Variants in WDR72 observed in about 807,000 individuals in gnomAD.
WDR72 encodes WD repeat-containing protein 72.
WDR72 carries 120 observed loss-of-function variants against 124.2 expected under a neutral mutation model. The ratio of observed to expected loss-of-function variants is 0.97; its 90% CI spans 0.83 to 1.12. The LOEUF is 1.12. Among genes scored for constraint, WDR72 ranks in the 50% most tolerant of loss-of-function variants. WDR72 has a pLI of 0.00. For missense variants in WDR72, 1,387 were observed against 1,278.8 expected (o/e 1.08, Z -1.29); for synonymous variants, 452 against 441.7 (o/e 1.02, Z -0.29).
intron 14 of WDR72, among the ~76,000 whole-genome samples, chr15:53,645,421 T>C (rs1204295293): frequency 6.6e-6 from 1 of 152,194 alleles, no homozygotes; most frequent in Non-Finnish European, 1.5e-5. Context: ...CTCATTTCTT[T>C]TTTAATTATA....
chr15:53,697,970 G>A (rs12902642), intron 13 of WDR72, among the ~76,000 whole-genome samples: 5,924 of 152,134 alleles, frequency 0.039, 143 homozygotes, highest in Non-Finnish European at 0.05. Flanking sequence ...CACCATGCCC[G>A]GCTAATTTTT....
In WDR72 at chr15:53,711,537, G is replaced by A. The variant is rs1298795461; in HGVS notation, c.712-56C>T. On this transcript the variant is annotated intron_variant, in intron 7 of 19. Transcript: ENST00000360509. ...AGGCTTAAATCTAGTCTGCCAATAAGATGAATATAAATTATGATAGTAATA... is the reference window on the plus strand; with the variant it reads ...AGGCTTAAATCTAGTCTGCCAATAAAATGAATATAAATTATGATAGTAATA... The A allele has an allele frequency of 2.6e-6, 4 of 1,561,278 alleles. No homozygotes were observed. In the East Asian group the frequency reaches 9.0e-5, roughly 35 times the overall value.
At chr15:53,565,290 CTTT>C (rs1294673424) in intron 18 of WDR72, among the ~76,000 whole-genome samples, 1 of 151,780 alleles carries the variant, frequency 6.6e-6, no homozygotes, top group African/African-American at 2.4e-5. Context: ...TCACGTAGGA[CTTT>C]TTTTCTTTTC....
At chr15:53,613,911 G>C (rs1223991639) in intron 15 of WDR72, among the ~76,000 whole-genome samples, 154 bp from the exon 16 acceptor site, 2 of 151,754 alleles carry the variant, frequency 1.3e-5, no homozygotes, top group Non-Finnish European at 2.9e-5. Flanking sequence ...TTTCTCTTGT[G>C]AATCTGATTT....
At chr15:53,616,986 AT>A (rs1451645117) in intron 14 of WDR72, among the ~76,000 whole-genome samples, 4 of 151,886 alleles carry the variant, frequency 2.6e-5, no homozygotes, top group African/African-American at 9.7e-5. Context: ...CTTTGCAGGA[AT>A]TTTGTATGTT....
chr15:53,638,256 A>G (rs570334979), intron 14 of WDR72, among the ~76,000 whole-genome samples: 16 of 152,292 alleles, frequency 1.1e-4, no homozygotes, highest in African/African-American at 3.6e-4. Context: ...AAAATGTTCA[A>G]CACCACAATG....
intron 14 of WDR72, among the ~76,000 whole-genome samples, chr15:53,657,785 C>T (rs886349426): frequency 1.3e-5 from 2 of 152,234 alleles, no homozygotes; most frequent in South Asian, 2.1e-4. Flanking sequence ...CAGAACCAAC[C>T]TTTTCTCTGG....
At chr15:53,632,371 T>C (rs1348895720) in intron 14 of WDR72, among the ~76,000 whole-genome samples, 1 of 152,096 alleles carries the variant, frequency 6.6e-6, no homozygotes, top group Non-Finnish European at 1.5e-5. Flanking sequence ...CTTAGGAGCC[T>C]CTGCCTAGAT....
chr15:53,711,425 C>A lies in WDR72; in HGVS notation c.768G>T (p.Gln256His). 6.2e-7 allele frequency: 1 copy of A among 1,614,148 alleles called. No individual in the cohort carries two copies. The highest frequency in any genetic ancestry group is 8.5e-7 in the Non-Finnish European group (1 of 1,180,038). Residue 256 changes from glutamine to histidine, a missense_variant, in exon 8 of 20, where the codon CAG becomes CAT. Coordinates refer to ENST00000360509, the MANE Select transcript of WDR72 (RefSeq NM_182758.4). Reference protein sequence around the residue: ...LLLTEVSRNGQFFAGGEVIAA... With the variant: ...LLLTEVSRNGHFFAGGEVIAA... ...CAATCACTTCTCCACCAGCAAAGAA[C>A]TGCCCATTTCTACTAACTTCAGTCA...
intron 13 of WDR72, among the ~76,000 whole-genome samples, chr15:53,669,521 G>T (rs182436110): frequency 6.6e-6 from 1 of 152,056 alleles, no homozygotes; most frequent in Admixed American, 6.6e-5. Context: ...AATTCTTTAT[G>T]ATAGTTAACA....
At chr15:53,636,272 C>T (rs1240790734) in intron 14 of WDR72, among the ~76,000 whole-genome samples, 1 of 152,096 alleles carries the variant, frequency 6.6e-6, no homozygotes, top group Non-Finnish European at 1.5e-5. Flanking sequence ...GTCTGAATAT[C>T]CTAACCTAAG....
intron 13 of WDR72, among the ~76,000 whole-genome samples, chr15:53,687,114 G>T (rs866370933): frequency 5.3e-5 from 8 of 149,612 alleles, no homozygotes; most frequent in Admixed American, 1.3e-4. Context: ...AAGCAGGAAA[G>T]ATCCAAAATT....
chr15:53,684,380 G>A (rs1361697876), intron 13 of WDR72: 4 of 153,414 alleles, frequency 2.6e-5, no homozygotes, highest in African/African-American at 9.7e-5. Flanking sequence ...AGCAGGGCGA[G>A]GCACTGCCTC....
At chr15:53,721,180 C>T (rs2017866241) in intron 3 of WDR72, among the ~76,000 whole-genome samples, 1 of 152,122 alleles carries the variant, frequency 6.6e-6, no homozygotes, top group Non-Finnish European at 1.5e-5. Context: ...AGGAGGACAG[C>T]TAGGTAGACT....
At chr15:53,679,222 G>C (rs976784833) in intron 13 of WDR72, among the ~76,000 whole-genome samples, 2 of 152,198 alleles carry the variant, frequency 1.3e-5, no homozygotes, top group Non-Finnish European at 2.9e-5. Flanking sequence ...TGAAAAAGTT[G>C]TGGAGATGGA....
At chr15:53,648,229 T>C (rs1401535527) in intron 14 of WDR72, among the ~76,000 whole-genome samples, 1 of 152,164 alleles carries the variant, frequency 6.6e-6, no homozygotes, top group Non-Finnish European at 1.5e-5. Context: ...AAGATACTTG[T>C]CTCATGTGTT....
chr15:53,659,224 C>T (rs112448908), intron 14 of WDR72, among the ~76,000 whole-genome samples: 4,685 of 152,222 alleles, frequency 0.031, 233 homozygotes, highest in African/African-American at 0.11. Context: ...GGCCTGTGGA[C>T]GCTGAAAATA....
intron 3 of WDR72, among the ~76,000 whole-genome samples, chr15:53,719,850 C>T (rs1049683844): frequency 4.6e-5 from 7 of 152,274 alleles, no homozygotes; most frequent in South Asian, 2.1e-4. Flanking sequence ...ACTCACCTAG[C>T]GGCTTCCAAG....
intron 19 of WDR72, 78 bp from the exon 20 acceptor site, chr15:53,517,832 G>T: frequency 7.4e-7 from 1 of 1,358,362 alleles, no homozygotes; most frequent in Non-Finnish European, 1.1e-6. Context: ...GAGGAGGGGA[G>T]GGAGAGAGGA....
Sources: allele counts gnomAD v4.1 joint callset (sites outside exome capture counted in the v4.1 genomes callset), GRCh38; gene constraint gnomAD v4.1.1; transcripts MANE v1.5; gene names NCBI Gene and HGNC (gene_info 2026-07-23, HGNC 2026-07-21).